COL10A1: variants seen among roughly 807,000 people sequenced by gnomAD.
COL10A1 encodes the protein collagen type X alpha 1 chain.
COL10A1 carries 10 observed loss-of-function variants against 18.2 expected under a neutral mutation model. The observed-to-expected ratio is 0.55, with a 90% CI of 0.34 to 0.93. The LOEUF (loss-of-function observed/expected upper bound fraction) is 0.93, where lower values mean the gene tolerates loss of function less well. Among genes scored for constraint, COL10A1 ranks in the 40% least tolerant of loss-of-function variants. The pLI is 0.02. For missense variants in COL10A1, 897 were observed against 853.5 expected (o/e 1.05, Z -0.64); for synonymous variants, 330 against 316.6 (o/e 1.04, Z -0.45).
At chr6:116,163,860 T>A in the COL10A1 span, among the ~76,000 whole-genome samples, 1 of 152,210 alleles carries the variant, frequency 6.6e-6, no homozygotes, top group South Asian at 2.1e-4. Context: ...TTTGTTAAAG[T>A]CATTCAAGAG....
At chr6:116,136,241 A>G (rs776899052) in intron 1 of COL10A1, among the ~76,000 whole-genome samples, 10 of 152,062 alleles carry the variant, frequency 6.6e-5, no homozygotes, top group Non-Finnish European at 1.3e-4. Flanking sequence ...TTCTAGGTTC[A>G]TCCATGTTGT....
upstream of COL10A1, among the ~76,000 whole-genome samples, chr6:116,126,768 T>A (rs908530877): frequency 6.6e-6 from 1 of 152,160 alleles, no homozygotes; most frequent in Non-Finnish European, 1.5e-5. Flanking sequence ...CCCCTTAATT[T>A]GATAATCTCA....
At chr6:116,155,033 G>A (rs920838968) in intron 1 of COL10A1, among the ~76,000 whole-genome samples, 1 of 152,144 alleles carries the variant, frequency 6.6e-6, no homozygotes, top group Non-Finnish European at 1.5e-5. Context: ...TAACAGAATA[G>A]AACTTTGGTT....
At chr6:116,125,581 G>T in intron 1 of COL10A1, 74 bp from the exon 2 acceptor site, 2 of 1,355,006 alleles carry the variant, frequency 1.5e-6, no homozygotes, top group Non-Finnish European at 2.1e-6. Flanking sequence ...TTTCACAGAT[G>T]AGTTCTTTAT....
upstream of COL10A1, among the ~76,000 whole-genome samples, chr6:116,161,695 T>G (rs1172729290): frequency 6.6e-6 from 1 of 152,226 alleles, no homozygotes; most frequent in Non-Finnish European, 1.5e-5. Context: ...TGCTTAGGAT[T>G]GCTTTGGCTA....
intron 1 of COL10A1, among the ~76,000 whole-genome samples, chr6:116,138,348 A>C (rs1779672779): frequency 6.6e-6 from 1 of 152,216 alleles, no homozygotes; most frequent in African/African-American, 2.4e-5. Flanking sequence ...AATTCCAAGA[A>C]TAGCACTACT....
chr6:116,212,674 G>A, the COL10A1 span, among the ~76,000 whole-genome samples: 2 of 152,070 alleles, frequency 1.3e-5, no homozygotes, highest in East Asian at 1.9e-4. Context: ...AAGTTTTTGA[G>A]TTGAGATTTA....
rs748554488 is a variant in COL10A1, at chr6:116,120,234, A to G, written c.1882T>C (p.Tyr628His). The change falls in exon 3 of 3, where the codon TAC becomes CAC. Residue 628 changes from tyrosine to histidine, a missense_variant. Transcript: ENST00000651968. Reference protein sequence around the residue: ...GTPVMYTYDEYTKGYLDQASG... With the variant: ...GTPVMYTYDEHTKGYLDQASG... ...GCCTGATCCAGGTAGCCTTTGGTGT[A>G]TTCATCATAGGTGTACATTACAGGG... The G allele has an allele frequency of 3.1e-6, 5 of 1,613,966 alleles. No homozygotes were observed. Among genetic ancestry groups the G allele is most frequent in the Middle Eastern group, 1.6e-4 (1 of 6,084 alleles).
intron 1 of COL10A1, among the ~76,000 whole-genome samples, chr6:116,148,492 C>G (rs1779952193): frequency 6.6e-6 from 1 of 152,126 alleles, no homozygotes; most frequent in African/African-American, 2.4e-5. Flanking sequence ...GCTGGTACTA[C>G]CCAATCTTGC....
chr6:116,130,626 A>C (rs1243592664), upstream of COL10A1, among the ~76,000 whole-genome samples: 1 of 152,102 alleles, frequency 6.6e-6, no homozygotes, highest in Non-Finnish European at 1.5e-5. Flanking sequence ...CATTCTATCT[A>C]GTGAACAGCT....
At chr6:116,167,222 T>TC in the COL10A1 span, among the ~76,000 whole-genome samples, 1 of 147,662 alleles carries the variant, frequency 6.8e-6, no homozygotes, top group African/African-American at 2.5e-5. Flanking sequence ...TTTTTTTTTT[T>TC]TTTTTTTTTG....
chr6:116,125,661 T>TA, intron 1 of COL10A1, 154 bp from the exon 2 acceptor site: 1 of 621,506 alleles, frequency 1.6e-6, no homozygotes, highest in Non-Finnish European at 2.7e-6. Flanking sequence ...AGAGATCATT[T>TA]TTTAGTTATG....
Position 116,120,936 on chromosome 6 carries a change from GT to G in COL10A1, c.1179del (p.Lys393AsnfsTer88). The part of the protein sequence containing the change: ...GSDGKPGYPG[K>X]PGLDGPKGNP... ...TTACCCTTAGGACCATCGAGACCTG[GT>G]TTTCCTGGGTACCCTGGTTTTCCAT... On this transcript the variant is annotated frameshift_variant, in exon 3 of 3. Coordinates refer to ENST00000651968, the MANE Select transcript of COL10A1 (RefSeq NM_000493.4). LOFTEE classifies it low-confidence loss of function (END_TRUNC). 6.2e-7 allele frequency: 1 copy of G among 1,613,916 alleles called. No individual in the cohort carries two copies. The highest frequency in any genetic ancestry group is 1.7e-4 in the Middle Eastern group (1 of 6,060).
chr6:116,197,062 T>C, the COL10A1 span, among the ~76,000 whole-genome samples: 1 of 151,728 alleles, frequency 6.6e-6, no homozygotes, highest in Non-Finnish European at 1.5e-5. Flanking sequence ...AGCCATAGCC[T>C]CAGAGCCAGA....
At chr6:116,206,612 C>T in the COL10A1 span, among the ~76,000 whole-genome samples, 1 of 152,014 alleles carries the variant, frequency 6.6e-6, no homozygotes, top group African/African-American at 2.4e-5. Context: ...ACAGCAACAG[C>T]TGTTTCTTAA....
At chr6:116,160,147 G>C (rs947560671), upstream of COL10A1, among the ~76,000 whole-genome samples, 1 of 152,090 alleles carries the variant, frequency 6.6e-6, no homozygotes, top group African/African-American at 2.4e-5. Flanking sequence ...GGGGTTGCTG[G>C]ATCAAAGGGT....
At chr6:116,163,820 T>C in the COL10A1 span, among the ~76,000 whole-genome samples, 6 of 152,216 alleles carry the variant, frequency 3.9e-5, no homozygotes, top group Admixed American at 1.3e-4. Context: ...TCTATATTCA[T>C]TTCCAATTCT....
At chr6:116,201,193 C>T in the COL10A1 span, among the ~76,000 whole-genome samples, 11 of 151,982 alleles carry the variant, frequency 7.2e-5, no homozygotes, top group Non-Finnish European at 1.5e-4. Flanking sequence ...AGGGACAATA[C>T]ATGAGCAGAT....
the COL10A1 span, among the ~76,000 whole-genome samples, chr6:116,212,596 G>T: frequency 1.3e-5 from 2 of 152,110 alleles, no homozygotes; most frequent in Non-Finnish European, 2.9e-5. Flanking sequence ...GTGCACTCTT[G>T]TGATAAAATT....
Sources: gnomAD v4.1 joint callset for allele counts (sites outside exome capture counted in the v4.1 genomes callset) on GRCh38, gnomAD v4.1.1 for gene constraint, MANE v1.5 for transcripts, NCBI Gene and HGNC (gene_info 2026-07-23, HGNC 2026-07-21) for gene names.